PCCA: variants seen among roughly 807,000 people sequenced by gnomAD.
PCCA encodes propionyl-CoA carboxylase alpha chain, mitochondrial.
PCCA carries 74 observed loss-of-function variants against 101.3 expected under a neutral mutation model. The ratio of observed to expected loss-of-function variants is 0.73; its 90% CI spans 0.61 to 0.89. The LOEUF (loss-of-function observed/expected upper bound fraction) is 0.89, where lower values mean the gene tolerates loss of function less well. Ranked by LOEUF, PCCA falls within the 40% of genes least tolerant of loss-of-function variation. PCCA has a pLI of 0.00. For missense variants in PCCA, 891 were observed against 907.0 expected (o/e 0.98, Z 0.23); for synonymous variants, 294 against 313.6 (o/e 0.94, Z 0.66).
At chr13:100,184,948 C>A (rs191001637) in intron 6 of PCCA, among the ~76,000 whole-genome samples, 2 of 152,206 alleles carry the variant, frequency 1.3e-5, no homozygotes, top group African/African-American at 4.8e-5. Flanking sequence ...TAACTGAAAT[C>A]TATCTGTTTA....
intron 19 of PCCA, among the ~76,000 whole-genome samples, chr13:100,402,794 T>C (rs761393279): frequency 1.1e-4 from 16 of 152,138 alleles, no homozygotes; most frequent in Middle Eastern, 3.4e-3. Flanking sequence ...ATGAATAGAA[T>C]AGGTGTCAGG....
At chr13:100,453,869 T>G (rs764318673) in intron 21 of PCCA, among the ~76,000 whole-genome samples, 4 of 152,190 alleles carry the variant, frequency 2.6e-5, no homozygotes, top group Non-Finnish European at 5.9e-5. Context: ...TGTTTTGTTT[T>G]GTTTTTGTTT....
intron 18 of PCCA, among the ~76,000 whole-genome samples, chr13:100,345,239 C>T (rs2072005482): frequency 6.6e-6 from 1 of 152,210 alleles, no homozygotes; most frequent in African/African-American, 2.4e-5. Flanking sequence ...GGCTAGGCCT[C>T]TTGTGCCAAA....
At chr13:100,505,842 GT>G (rs34877951) in intron 21 of PCCA, among the ~76,000 whole-genome samples, 149,773 of 149,808 alleles carry the variant, frequency 1, 74,869 homozygotes, top group Middle Eastern at 1. Flanking sequence ...GTGGTACCCT[GT>G]TTCTCTGCCC....
At chr13:100,459,879 A>G (rs1410806355) in intron 21 of PCCA, among the ~76,000 whole-genome samples, 6 of 152,312 alleles carry the variant, frequency 3.9e-5, no homozygotes, top group Admixed American at 6.5e-5. Context: ...GCAAATGCCT[A>G]TTCTCCCGTA....
intron 21 of PCCA, among the ~76,000 whole-genome samples, chr13:100,470,216 G>A (rs1194807664): frequency 6.6e-6 from 1 of 152,126 alleles, no homozygotes; most frequent in African/African-American, 2.4e-5. Flanking sequence ...GTGCCAAACT[G>A]CAGTACATTT....
intron 19 of PCCA, among the ~76,000 whole-genome samples, chr13:100,400,970 G>A (rs2077328169): frequency 6.6e-6 from 1 of 151,938 alleles, no homozygotes; most frequent in Non-Finnish European, 1.5e-5. Flanking sequence ...TTTTTCTTCT[G>A]TAGAAAGACT....
intron 20 of PCCA, among the ~76,000 whole-genome samples, chr13:100,441,982 CTTTTTTCT>C (rs1167766279): frequency 1.4e-4 from 17 of 118,848 alleles, no homozygotes; most frequent in African/African-American, 3.7e-4. Flanking sequence ...TTTCTTTTTC[CTTTTTTCT>C]TTTTTTTTTT....
rs968313595 is a variant in PCCA, at chr13:100,321,724, G to T, written c.1430-8837G>T. ...ATATAACTTTTTCCATGGAATTTTT[G>T]TGTAGCTAAAGGAATAGCATTAATT... On this transcript the variant is annotated intron_variant, in intron 16 of 23. Transcript: ENST00000376285. 4.6e-5 allele frequency among the ~76,000 whole-genome samples: 7 copies of T among 151,830 alleles called. No homozygotes were observed. In the East Asian group the frequency reaches 1.2e-3, roughly 25 times the overall value.
intron 1 of PCCA, 36 bp downstream of exon 1, chr13:100,089,261 A>G (rs762820243): frequency 3.0e-5 from 44 of 1,457,894 alleles, no homozygotes; most frequent in Non-Finnish European, 3.4e-5. Flanking sequence ...TCCGGGCTTC[A>G]CTGGGCTTCT....
intron 4 of PCCA, among the ~76,000 whole-genome samples, chr13:100,120,481 T>C (rs1267681682): frequency 6.6e-6 from 1 of 152,340 alleles, no homozygotes; most frequent in East Asian, 1.9e-4. Context: ...ATTGTTGGTT[T>C]GTCTTAAAAC....
chr13:100,103,090 T>TC, intron 2 of PCCA, 130 bp downstream of exon 2: 3 of 685,794 alleles, frequency 4.4e-6, no homozygotes, highest in Non-Finnish European at 7.9e-6. Flanking sequence ...CACTCTAGCA[T>TC]TGTGTGTTTC....
chr13:100,113,123 C>T (rs998373091), intron 4 of PCCA, among the ~76,000 whole-genome samples: 3 of 152,154 alleles, frequency 2.0e-5, no homozygotes, highest in African/African-American at 7.2e-5. Context: ...GTGACCATCA[C>T]AGAATGTACT....
At chr13:100,308,717 A>G (rs2066666530) in intron 15 of PCCA, among the ~76,000 whole-genome samples, 1 of 152,192 alleles carries the variant, frequency 6.6e-6, no homozygotes, top group South Asian at 2.1e-4. Context: ...TAAAAATATT[A>G]TACGTTGATT....
chr13:100,175,206 C>T (rs2056120835), intron 6 of PCCA, among the ~76,000 whole-genome samples: 1 of 152,104 alleles, frequency 6.6e-6, no homozygotes, highest in Non-Finnish European at 1.5e-5. Flanking sequence ...AGTTTTAGAT[C>T]TCTGAGTCTA....
chr13:100,187,908 C>T (rs568918611), intron 6 of PCCA, among the ~76,000 whole-genome samples: 377 of 151,932 alleles, frequency 2.5e-3, no homozygotes, highest in African/African-American at 8.5e-3. Flanking sequence ...CCCCTTCCCA[C>T]CCTTTCCCCC....
chr13:100,487,147 C>A (rs1409650323), intron 21 of PCCA, among the ~76,000 whole-genome samples: 2 of 152,024 alleles, frequency 1.3e-5, no homozygotes, highest in Non-Finnish European at 2.9e-5. Flanking sequence ...GGAAGAAAAA[C>A]AATGAAAGTA....
At chr13:100,408,146 C>T (rs961054611) in intron 19 of PCCA, among the ~76,000 whole-genome samples, 5 of 152,140 alleles carry the variant, frequency 3.3e-5, no homozygotes, top group Admixed American at 6.5e-5. Context: ...AGTGAGACTC[C>T]GTCTTAAACA....
intron 7 of PCCA, among the ~76,000 whole-genome samples, chr13:100,228,985 A>G (rs2060313419): frequency 6.6e-6 from 1 of 151,320 alleles, no homozygotes; most frequent in Non-Finnish European, 1.5e-5. Flanking sequence ...TTTGATATCT[A>G]TACATTGAAA....
Sources: allele counts gnomAD v4.1 joint callset (sites outside exome capture counted in the v4.1 genomes callset), GRCh38; gene constraint gnomAD v4.1.1; transcripts MANE v1.5; gene names NCBI Gene and HGNC (gene_info 2026-07-23, HGNC 2026-07-21).